Variants in AXIN1 observed in about 807,000 individuals in gnomAD.
AXIN1 encodes the protein axin-1.
AXIN1 carries 30 observed loss-of-function variants against 76.4 expected under a neutral mutation model. The ratio of observed to expected loss-of-function variants is 0.39; its 90% confidence interval spans 0.29 to 0.53. The LOEUF (loss-of-function observed/expected upper bound fraction) is 0.53, where lower values mean the gene tolerates loss of function less well. Among genes scored for constraint, AXIN1 ranks in the 20% least tolerant of loss-of-function variants. The pLI, the probability that AXIN1 is intolerant of heterozygous loss-of-function variation, is 0.66. For missense variants in AXIN1, 1,140 were observed against 1,198.8 expected (o/e 0.95, Z 0.72); for synonymous variants, 545 against 501.4 (o/e 1.09, Z -1.16).
chr16:349,621 G>A (rs894069618), intron 1 of AXIN1, among the ~76,000 whole-genome samples: 22 of 152,110 alleles, frequency 1.4e-4, no homozygotes, highest in African/African-American at 4.8e-4. Context: ...TGGTAGTAGC[G>A]GGACCCACAG....
At chr16:306,106 G>A (rs555594824) in intron 4 of AXIN1, among the ~76,000 whole-genome samples, 1 of 151,904 alleles carries the variant, frequency 6.6e-6, no homozygotes, top group African/African-American at 2.4e-5. Flanking sequence ...TCCCCTTACC[G>A]GCAGGCACAT....
rs762356121 is a variant in AXIN1, at chr16:289,423, C to G, written c.2462+17G>C. 1 of 1,612,632 alleles carries G rather than the reference C, an allele frequency of 6.2e-7. No homozygotes were observed. The highest frequency in any genetic ancestry group is 2.2e-5 in the East Asian group (1 of 44,878). On this transcript the variant is annotated intron_variant, in intron 10 of 10. Transcript: ENST00000262320. ...CATACTCGTGCGGGGAGGGGGCACC[C>G]CAGCCCTCACACTCACCTGTAGCTG...
At chr16:320,735 A>ATTTTTTT (rs1418979467) in intron 2 of AXIN1, among the ~76,000 whole-genome samples, 7 of 76,194 alleles carry the variant, frequency 9.2e-5, no homozygotes, top group African/African-American at 4.9e-4. Flanking sequence ...ATATATATAT[A>ATTTTTTT]TATATATATT....
At chr16:314,038 A>C (rs559828700) in intron 3 of AXIN1, among the ~76,000 whole-genome samples, 1 of 152,024 alleles carries the variant, frequency 6.6e-6, no homozygotes, top group South Asian at 2.1e-4. Flanking sequence ...GGACCACATC[A>C]CTCGCCACAG....
At chr16:340,914 G>A (rs1055466424) in intron 2 of AXIN1, among the ~76,000 whole-genome samples, 53 of 152,250 alleles carry the variant, frequency 3.5e-4, no homozygotes, top group African/African-American at 1.3e-3. Flanking sequence ...CCGCACTCAG[G>A]CGTCCCACAG....
rs372713891 is a variant in AXIN1, at chr16:332,832, CAAAT to C, written c.878+13312_878+13315del. ...ATGGTCCAAAATCTAAATAAGATCTCAAATAAGTTCTAAAATGAGAAATGGTAAA... is the reference window on the plus strand; with the variant it reads ...ATGGTCCAAAATCTAAATAAGATCTCAAGTTCTAAAATGAGAAATGGTAAA... On this transcript the variant is annotated intron_variant, in intron 2 of 10. Transcript: ENST00000262320. 1.2e-3 allele frequency among the ~76,000 whole-genome samples: 181 copies of C among 152,104 alleles called. 6 individuals carry two copies. In the South Asian group the frequency reaches 0.036, roughly 30 times the overall value.
intron 9 of AXIN1, chr16:289,869 T>C (rs1328018151): frequency 7.1e-6 from 4 of 564,918 alleles, no homozygotes; most frequent in Non-Finnish European, 1.3e-5. Context: ...GGCCAGGGCC[T>C]GGCTGCCAGG....
chr16:324,631 T>G (rs1380045199), intron 2 of AXIN1, among the ~76,000 whole-genome samples: 3 of 152,210 alleles, frequency 2.0e-5, no homozygotes, highest in African/African-American at 7.2e-5. Flanking sequence ...CGTCAGCACA[T>G]GACACAGACA....
rs966611039 is a variant in AXIN1 at position 289,771 on chromosome 16, CTG to C, written c.2295-166_2295-165del. On this transcript the variant is annotated intron_variant, in intron 9 of 10. Transcript: ENST00000262320. ...CGCAGCCCCCGCACAGCATCTCAAT[CTG>C]GGATCTAGTCCGCTAGCAGTGGAGT... 9 of 841,182 alleles carry C rather than the reference CTG, an allele frequency of 1.1e-5. No individual in the cohort carries two copies. In the African/African-American group the frequency reaches 1.5e-4, roughly 14 times the overall value. 52.1% of individuals were successfully genotyped at this position (841,182 alleles called of 1,614,324 possible). A position where few individuals can be genotyped will look rare whatever the true frequency, so the allele number is the denominator to read the frequency against.
chr16:306,168 T>TAC (rs1300341692), intron 4 of AXIN1, among the ~76,000 whole-genome samples: 2 of 151,690 alleles, frequency 1.3e-5, no homozygotes, highest in African/African-American at 2.4e-5. Flanking sequence ...CACACACACG[T>TAC]ACACACACAC....
At chr16:349,390 C>T (rs1473890412) in intron 1 of AXIN1, among the ~76,000 whole-genome samples, 4 of 152,214 alleles carry the variant, frequency 2.6e-5, no homozygotes, top group Non-Finnish European at 5.9e-5. Flanking sequence ...GGCACCTCCA[C>T]ACTAGCTCAC....
In AXIN1 at chr16:346,779, A is replaced by G. The variant is rs1484948441; in HGVS notation, c.247T>C (p.Leu83=). 1 of 1,611,186 alleles carries G rather than the reference A, an allele frequency of 6.2e-7. No homozygotes were observed. The highest frequency in any genetic ancestry group is 2.2e-5 in the East Asian group (1 of 44,790). ...GAATGCAGTGACTCAGCCCACTTCA[A>G]GTATGGTGGGGTGGGGGAGGCACTG... ...EGSASPTPPY[L]KWAESLHSLL... Residue 83 remains leucine, a synonymous_variant, in exon 2 of 11, where the codon TTG becomes CTG. Coordinates refer to ENST00000262320, the MANE Select transcript of AXIN1 (RefSeq NM_003502.4).
In AXIN1 at chr16:288,244, A is replaced by G. The variant is rs2141460423; in HGVS notation, c.2467T>C (p.Tyr823His). Residue 823 changes from tyrosine (Y) to histidine (H), a missense_variant, in exon 11 of 11, where the codon TAC becomes CAC. Coordinates refer to ENST00000262320, the MANE Select transcript of AXIN1 (RefSeq NM_003502.4). ...AACTCGTCGCTCACTTTCTTGAAGTAGTATCTGCAGGACGGAGGTGAGGAG... is the reference window on the plus strand; with the variant it reads ...AACTCGTCGCTCACTTTCTTGAAGTGGTATCTGCAGGACGGAGGTGAGGAG... ...LLTKKGSYRY[Y>H]FKKVSDEFDC... 2 of 1,613,606 alleles carry G rather than the reference A, an allele frequency of 1.2e-6. No homozygotes were observed. Among genetic ancestry groups the G allele is most frequent in the South Asian group, 2.2e-5 (2 of 91,088 alleles).
At chr16:297,393 C>T (rs953111486) in intron 6 of AXIN1, among the ~76,000 whole-genome samples, 167 bp from the exon 7 acceptor site, 3 of 151,910 alleles carry the variant, frequency 2.0e-5, no homozygotes, top group African/African-American at 7.3e-5. Context: ...GCCAGCTTGT[C>T]CCCCACCCGC....
At chr16:314,483 C>A (rs2141591684) in intron 3 of AXIN1, 60 bp downstream of exon 3, 1 of 1,609,154 alleles carries the variant, frequency 6.2e-7, no homozygotes, top group Non-Finnish European at 8.5e-7. Context: ...GACAAGGTGT[C>A]TGGGACCGGA....
chr16:287,902 TGAG>T lies in AXIN1; in HGVS notation c.*217_*219del. 1.5e-6 allele frequency: 1 copy of T among 687,622 alleles called. No individual in the cohort carries two copies. Among genetic ancestry groups the T allele is most frequent in the Non-Finnish European group, 2.5e-6 (1 of 401,798 alleles). 42.6% of individuals were successfully genotyped at this position (687,622 alleles called of 1,614,324 possible). Reference sequence around the variant, plus strand: ...GGGCTGGGCCCTCCAAGTATTGCTATGAGGAGTGGTCCAGGCTGCCTCCTTGGG... The same window carrying T: ...GGGCTGGGCCCTCCAAGTATTGCTATGAGTGGTCCAGGCTGCCTCCTTGGG... On this transcript the variant is annotated 3_prime_UTR_variant, in exon 11 of 11. Coordinates refer to ENST00000262320, the MANE Select transcript of AXIN1 (RefSeq NM_003502.4).
At chr16:343,423 C>T (rs2053968202) in intron 2 of AXIN1, among the ~76,000 whole-genome samples, 2 of 152,106 alleles carry the variant, frequency 1.3e-5, no homozygotes, top group African/African-American at 4.8e-5. Flanking sequence ...CAGCCGGGGC[C>T]GGGCGCAGTG....
At chr16:301,762 A>T (rs2052879718) in intron 5 of AXIN1, among the ~76,000 whole-genome samples, 1 of 152,194 alleles carries the variant, frequency 6.6e-6, no homozygotes, top group African/African-American at 2.4e-5. Flanking sequence ...GTTCCACAGA[A>T]AATTACAGCG....
intron 7 of AXIN1, among the ~76,000 whole-genome samples, chr16:294,279 G>A (rs2052647956): frequency 1.3e-5 from 2 of 151,974 alleles, no homozygotes; most frequent in East Asian, 3.9e-4. Flanking sequence ...GGCCAACATG[G>A]CAAAACCATG....
Sources: allele counts gnomAD v4.1 joint callset (sites outside exome capture counted in the v4.1 genomes callset), GRCh38; gene constraint gnomAD v4.1.1; transcripts MANE v1.5; gene names NCBI Gene and HGNC (gene_info 2026-07-23, HGNC 2026-07-21).